The following QNG1 variants were observed in gnomAD, a reference collection of about 807,000 sequenced individuals.
QNG1 encodes Q-nucleotide N-glycosylase 1, also known as queuosine 5'-phosphate N-glycosylase/hydrolase.
the QNG1 span, chr9:83,939,726 C>T: frequency 1.2e-6 from 2 of 1,613,834 alleles, no homozygotes; most frequent in Non-Finnish European, 8.5e-7. Context: ...TGCCTGTCTC[C>T]ATATGAGAGC....
At chr9:83,941,058 G>A in the QNG1 span, among the ~76,000 whole-genome samples, 5 of 152,178 alleles carry the variant, frequency 3.3e-5, no homozygotes, top group African/African-American at 4.8e-5. Flanking sequence ...GAGTGGCCAC[G>A]GAGGCAGACG....
the QNG1 span, chr9:83,955,641 C>A: frequency 6.2e-7 from 1 of 1,606,944 alleles, no homozygotes; most frequent in Middle Eastern, 1.7e-4. Context: ...ATTGGTATCC[C>A]TTTAGTGAAA....
At chr9:83,939,321 C>G in the QNG1 span, 2 of 539,488 alleles carry the variant, frequency 3.7e-6, no homozygotes, top group Admixed American at 3.2e-5. Flanking sequence ...ATCCACCCGC[C>G]TCAGCCTCCC....
the QNG1 span, among the ~76,000 whole-genome samples, chr9:83,950,851 T>G: frequency 4.5e-4 from 68 of 151,972 alleles, 1 homozygote; most frequent in Middle Eastern, 3.2e-3. Context: ...TCCACCCACC[T>G]TGGCCTCCCA....
the QNG1 span, among the ~76,000 whole-genome samples, chr9:83,949,450 C>A: frequency 6.6e-6 from 1 of 151,990 alleles, no homozygotes; most frequent in African/African-American, 2.4e-5. Context: ...TTGAAACCAG[C>A]CTGACCAACA....
the QNG1 span, among the ~76,000 whole-genome samples, chr9:83,950,072 C>G: frequency 7.2e-6 from 1 of 138,826 alleles, no homozygotes; most frequent in Admixed American, 7.4e-5. Flanking sequence ...TTTTTGGAGA[C>G]GGAGTCTTGC....
chr9:83,944,574 AT>A, the QNG1 span, among the ~76,000 whole-genome samples: 1 of 152,240 alleles, frequency 6.6e-6, no homozygotes, highest in Non-Finnish European at 1.5e-5. Context: ...TGAAATTATA[AT>A]GTTCAAATAG....
the QNG1 span, among the ~76,000 whole-genome samples, chr9:83,941,674 A>T: frequency 6.6e-6 from 1 of 152,134 alleles, no homozygotes; most frequent in Non-Finnish European, 1.5e-5. Flanking sequence ...GCACTTTGGG[A>T]GGCCAAGGCG....
the QNG1 span, among the ~76,000 whole-genome samples, chr9:83,952,017 G>T: frequency 1.3e-5 from 2 of 152,110 alleles, no homozygotes; most frequent in South Asian, 2.1e-4. Context: ...TGGGGACAAG[G>T]TCTTGCTCTT....
the QNG1 span, chr9:83,939,355 A>T: frequency 1.6e-6 from 1 of 615,882 alleles, no homozygotes. Context: ...TACAGGCATA[A>T]ACCACTGTGC....
the QNG1 span, among the ~76,000 whole-genome samples, chr9:83,951,627 TG>T: frequency 6.6e-6 from 1 of 152,202 alleles, no homozygotes; most frequent in African/African-American, 2.4e-5. Flanking sequence ...AAAAAGCTTA[TG>T]TTTTTTATAT....
the QNG1 span, among the ~76,000 whole-genome samples, chr9:83,951,207 T>A: frequency 6.6e-6 from 1 of 151,726 alleles, no homozygotes; most frequent in Admixed American, 6.6e-5. Flanking sequence ...GAGGCGGAGG[T>A]TGCAGTGAAC....
chr9:83,948,131 T>A, the QNG1 span, among the ~76,000 whole-genome samples: 4 of 147,012 alleles, frequency 2.7e-5, no homozygotes, highest in African/African-American at 1.0e-4. Context: ...CGCCGCCCCG[T>A]CTGGGATGTG....
At chr9:83,952,610 C>T in the QNG1 span, among the ~76,000 whole-genome samples, 143 of 151,850 alleles carry the variant, frequency 9.4e-4, no homozygotes, top group African/African-American at 3.3e-3. Context: ...CTGGCTAACA[C>T]GGTGAAACCC....
chr9:83,949,670 A>AC, the QNG1 span, among the ~76,000 whole-genome samples: 2 of 152,136 alleles, frequency 1.3e-5, no homozygotes, highest in African/African-American at 4.8e-5. Flanking sequence ...AAACAAACAA[A>AC]AAAAAAACCC....
chr9:83,949,405 A>T, the QNG1 span, among the ~76,000 whole-genome samples: 1 of 152,326 alleles, frequency 6.6e-6, no homozygotes, highest in Non-Finnish European at 1.5e-5. Context: ...GCACTTTGGG[A>T]GGCCGAGGCG....
At chr9:83,949,568 C>T in the QNG1 span, among the ~76,000 whole-genome samples, 1 of 152,168 alleles carries the variant, frequency 6.6e-6, no homozygotes, top group East Asian at 1.9e-4. Context: ...ATCACTTGAA[C>T]CCGGGAGGCC....
the QNG1 span, chr9:83,955,248 T>G: frequency 2.2e-6 from 2 of 920,580 alleles, no homozygotes; most frequent in South Asian, 3.6e-5. Flanking sequence ...AAACACTACT[T>G]GATTTTGTTA....
At chr9:83,940,587 C>T in the QNG1 span, among the ~76,000 whole-genome samples, 128 of 152,104 alleles carry the variant, frequency 8.4e-4, no homozygotes, top group Middle Eastern at 3.4e-3. Context: ...CTGTAGTGAG[C>T]GAGGTAGTGT....
Sources: allele counts gnomAD v4.1 joint callset (sites outside exome capture counted in the v4.1 genomes callset), GRCh38; gene constraint gnomAD v4.1.1; transcripts MANE v1.5; gene names NCBI Gene and HGNC (gene_info 2026-07-23, HGNC 2026-07-21).